Variants in C14orf39 observed in about 807,000 individuals in gnomAD.
The protein encoded by C14orf39 is protein SIX6OS1.
A neutral mutation model predicts 85.6 loss-of-function variants in C14orf39; 66 were observed. That is an observed-to-expected ratio of 0.77 (90% CI 0.63 to 0.95). C14orf39 has a LOEUF of 0.95. C14orf39 is among the 40% of genes least tolerant of loss of function. The pLI, the probability that C14orf39 is intolerant of heterozygous loss-of-function variation, is 0.00. For synonymous variants in C14orf39, 242 were observed against 214.0 expected (o/e 1.13, Z -1.14); for missense variants, 735 against 663.9 (o/e 1.11, Z -1.18).
chr14:60,509,838 A>T (rs1446171341), intron 1 of C14orf39: 2 of 1,613,812 alleles, frequency 1.2e-6, no homozygotes, highest in Admixed American at 3.3e-5. Context: ...CGCGAGTGGT[A>T]CCTGCAGGAT....
chr14:60,509,956 T>C, intron 1 of C14orf39: 2 of 1,604,952 alleles, frequency 1.2e-6, no homozygotes, highest in Non-Finnish European at 1.7e-6. Flanking sequence ...ACCGAGCGGC[T>C]GCAGCCAAGA....
chr14:60,480,608 C>T (rs780857891), intron 4 of C14orf39, among the ~76,000 whole-genome samples: 4 of 152,032 alleles, frequency 2.6e-5, no homozygotes, highest in Admixed American at 6.6e-5. Context: ...TTTGAGTATT[C>T]GTCCAAAGGA....
intron 16 of C14orf39, among the ~76,000 whole-genome samples, chr14:60,451,398 A>T (rs1288146878): frequency 6.6e-6 from 1 of 152,190 alleles, no homozygotes; most frequent in African/African-American, 2.4e-5. Context: ...ACGTATGTTT[A>T]TTGCGGCACT....
chr14:60,496,295 C>A, intron 2 of C14orf39: 1 of 366,784 alleles, frequency 2.7e-6, no homozygotes, highest in Non-Finnish European at 5.5e-6. Context: ...CTGTTGGTGC[C>A]AGCCACAGAA....
intron 7 of C14orf39, among the ~76,000 whole-genome samples, chr14:60,470,343 A>G (rs1290393189): frequency 6.6e-6 from 1 of 151,916 alleles, no homozygotes; most frequent in African/African-American, 2.4e-5. Flanking sequence ...AGTTAACAAG[A>G]ATTCCAGAGA....
intron 11 of C14orf39, among the ~76,000 whole-genome samples, chr14:60,465,552 G>A (rs1411577101): frequency 2.0e-5 from 3 of 152,008 alleles, no homozygotes; most frequent in African/African-American, 7.2e-5. Flanking sequence ...CTACCACTGA[G>A]GTAACGCAAC....
intron 16 of C14orf39, among the ~76,000 whole-genome samples, chr14:60,450,603 G>A (rs1395588270): frequency 1.3e-5 from 2 of 152,196 alleles, no homozygotes; most frequent in Admixed American, 1.3e-4. Flanking sequence ...CACCTGAAGG[G>A]ATGGACACAA....
At position 60,484,970 on chromosome 14, in the gene C14orf39, C is replaced by T. The variant is rs2140165776; in HGVS notation, c.50-33G>A. On this transcript the variant is annotated intron_variant, in intron 2 of 17. Transcript: ENST00000321731. The surrounding 1 kb of genome is among the most constrained non-coding windows in gnomAD (Gnocchi z 4.2). ...AAATAATTATCTTGTGACTTCAATT[C>T]ATTGTTAAAATATCAAATGATCATA... 6.3e-7 allele frequency: 1 copy of T among 1,580,280 alleles called. No homozygotes were observed. Among genetic ancestry groups the T allele is most frequent in the East Asian group, 2.2e-5 (1 of 44,604 alleles).
At chr14:60,451,000 C>T (rs912238209) in intron 16 of C14orf39, among the ~76,000 whole-genome samples, 3 of 152,194 alleles carry the variant, frequency 2.0e-5, no homozygotes, top group East Asian at 1.9e-4. Context: ...ACAGGCACTA[C>T]AAGCCCAGAC....
chr14:60,504,868 G>T (rs569812865), intron 1 of C14orf39, among the ~76,000 whole-genome samples: 3 of 152,200 alleles, frequency 2.0e-5, no homozygotes, highest in Non-Finnish European at 4.4e-5. Context: ...TCAAAACACA[G>T]TTGAACAGGT....
rs1160328256 is a variant in C14orf39 at position 60,509,725 on chromosome 14, T to C, written c.-144+5670A>G. The C allele has an allele frequency of 3.1e-6, 5 of 1,613,958 alleles. No homozygotes were observed. Among genetic ancestry groups the C allele is most frequent in the Non-Finnish European group, 4.2e-6 (5 of 1,179,978 alleles). ...AGCTGCGTGGAAGACCCCTGGGACC[T>C]GTGGACAAGTACCGAGTAAGGAAGA... On this transcript the variant is annotated intron_variant, in intron 1 of 5. Transcript: ENST00000556799.
rs1294173879 is a variant in C14orf39, at chr14:60,484,473, G to T, written c.106+408C>A. Among the ~76,000 whole-genome samples the T allele has an allele frequency of 4.6e-5, 7 of 151,934 alleles. No individual in the cohort carries two copies. Among genetic ancestry groups the T allele is most frequent in the African/African-American group, 7.3e-5 (3 of 41,330 alleles). On this transcript the variant is annotated intron_variant, in intron 3 of 17. Transcript: ENST00000321731. This position sits in a 1 kb window ranked among gnomAD's most constrained non-coding sequence, Gnocchi z 4.2. ...GTGTGATTTGCCTTGCTATTTCTCT[G>T]ATAACATTATTTTTCAGAATTATTA...
chr14:60,437,122 T>C (rs1566650706), intron 17 of C14orf39, 75 bp from the exon 18 acceptor site: 1 of 909,578 alleles, frequency 1.1e-6, no homozygotes, highest in Admixed American at 2.3e-5. Flanking sequence ...AATTATAGCA[T>C]ACTGCATACA....
At chr14:60,437,961 T>C (rs1405395547) in intron 17 of C14orf39, among the ~76,000 whole-genome samples, 1 of 151,534 alleles carries the variant, frequency 6.6e-6, no homozygotes, top group African/African-American at 2.4e-5. Context: ...ATTATAAATA[T>C]ACAAATATAT....
intron 1 of C14orf39, among the ~76,000 whole-genome samples, chr14:60,507,326 T>A (rs1267591623): frequency 6.6e-6 from 1 of 152,180 alleles, no homozygotes; most frequent in Non-Finnish European, 1.5e-5. Context: ...CACCGCGGAT[T>A]CTCCTCCGCC....
At chr14:60,445,001 A>G (rs1189169105) in intron 16 of C14orf39, among the ~76,000 whole-genome samples, 1 of 152,204 alleles carries the variant, frequency 6.6e-6, no homozygotes, top group African/African-American at 2.4e-5. Context: ...AAAATACTTT[A>G]CAGACAAGCA....
chr14:60,465,642 C>T (rs1891747828), intron 11 of C14orf39, among the ~76,000 whole-genome samples: 2 of 152,036 alleles, frequency 1.3e-5, no homozygotes, highest in African/African-American at 4.8e-5. Context: ...AATAATTTCC[C>T]TCTTCAATCC....
chr14:60,469,535 G>A lies in C14orf39; in HGVS notation c.673C>T (p.Gln225Ter). ...GAAATATATAACAAAATATATACCTGGTTTAAATAATTAATTTCTATTTCC... is the reference window on the plus strand; with the variant it reads ...GAAATATATAACAAAATATATACCTAGTTTAAATAATTAATTTCTATTTCC... ...EMEIEINYLNQQISRHNETKA... is the reference protein window; with the variant it reads ...EMEIEINYLN The change falls in exon 8 of 18, where the codon CAG becomes TAG. Residue 225 changes from glutamine to a stop codon, truncating the protein, a stop_gained and splice_region_variant. Coordinates refer to ENST00000321731, the MANE Select transcript of C14orf39 (RefSeq NM_174978.3). LOFTEE classifies it high-confidence loss of function. The A allele has an allele frequency of 2.3e-6, 3 of 1,331,772 alleles. No individual in the cohort carries two copies. The highest frequency in any genetic ancestry group is 3.1e-6 in the Non-Finnish European group (3 of 974,260). The allele number at this position is 1,331,772 out of a possible 1,614,324, so 82.5% of individuals were successfully genotyped here.
At position 60,484,380 on chromosome 14, in the gene C14orf39, G is replaced by A. The variant is rs532685368; in HGVS notation, c.106+501C>T. On this transcript the variant is annotated intron_variant, in intron 3 of 17. Coordinates refer to ENST00000321731, the MANE Select transcript of C14orf39 (RefSeq NM_174978.3). The surrounding 1 kb of genome is among the most constrained non-coding windows in gnomAD (Gnocchi z 4.2). ...TAACCAAACTCTACCTTTTCAGAAC[G>A]ATGAAGAAATTTAGAACTCTATTTT... Among the ~76,000 whole-genome samples, 8 of 152,140 alleles carry A rather than the reference G, an allele frequency of 5.3e-5. No homozygotes were observed. In the South Asian group the frequency reaches 1.0e-3, roughly 20 times the overall value.
Sources: allele counts gnomAD v4.1 joint callset (sites outside exome capture counted in the v4.1 genomes callset), GRCh38; gene constraint gnomAD v4.1.1; non-coding constraint Gnocchi (gnomAD v3.1); transcripts MANE v1.5; gene names NCBI Gene and HGNC (gene_info 2026-07-23, HGNC 2026-07-21).